Variants in VAV3 observed in about 807,000 individuals in gnomAD.
VAV3 encodes guanine nucleotide exchange factor VAV3.
Under a neutral mutation model 131.2 loss-of-function variants are expected in VAV3, and 94 were observed. The observed-to-expected ratio is 0.72, with a 90% CI of 0.61 to 0.85. The LOEUF is 0.85. Among genes scored for constraint, VAV3 ranks in the 40% least tolerant of loss-of-function variants. VAV3 has a pLI of 0.00. For missense variants in VAV3, 939 were observed against 1,002.7 expected (o/e 0.94, Z 0.86); for synonymous variants, 349 against 342.0 (o/e 1.02, Z -0.22).
intron 2 of VAV3, among the ~76,000 whole-genome samples, chr1:107,847,817 T>A (rs1336015749): frequency 1.3e-5 from 2 of 152,130 alleles, no homozygotes; most frequent in African/African-American, 2.4e-5. Context: ...CCAGAGAGAT[T>A]CACAGCTGAA....
At chr1:107,624,374 C>CTGTGTGTGTGTGTG (rs59476510) in intron 20 of VAV3, among the ~76,000 whole-genome samples, 6 of 143,324 alleles carry the variant, frequency 4.2e-5, no homozygotes, top group South Asian at 4.6e-4. Flanking sequence ...AGTCTTATGA[C>CTGTGTGTGTGTGTG]TGTGTGTGTG....
intron 2 of VAV3, among the ~76,000 whole-genome samples, chr1:107,831,650 T>C (rs1304159130): frequency 6.6e-6 from 1 of 152,226 alleles, no homozygotes; most frequent in Non-Finnish European, 1.5e-5. Flanking sequence ...TATCCTTCCT[T>C]GCACATTTAT....
At chr1:107,833,961 A>G (rs1668367464) in intron 2 of VAV3, among the ~76,000 whole-genome samples, 1 of 152,246 alleles carries the variant, frequency 6.6e-6, no homozygotes, top group Non-Finnish European at 1.5e-5. Context: ...CATTGCTCAC[A>G]TGAGACAGTA....
rs374979783 is a variant in VAV3 at position 107,889,628 on chromosome 1, CAAAT to C, written c.205-14615_205-14612del. 4.0e-5 allele frequency among the ~76,000 whole-genome samples: 6 copies of C among 150,626 alleles called. No homozygotes were observed. In the East Asian group the frequency reaches 9.8e-4, roughly 25 times the overall value. ...ATTTCAGTGTTAGATTTTACATAAACAAATAAAACCCTACACCACATCTGCCTTA... is the reference window on the plus strand; with the variant it reads ...ATTTCAGTGTTAGATTTTACATAAACAAAACCCTACACCACATCTGCCTTA... On this transcript the variant is annotated intron_variant, in intron 1 of 26. Coordinates refer to ENST00000370056, the MANE Select transcript of VAV3 (RefSeq NM_006113.5).
chr1:107,768,610 T>C, intron 6 of VAV3, 101 bp from the exon 7 acceptor site: 2 of 974,148 alleles, frequency 2.1e-6, no homozygotes, highest in Non-Finnish European at 3.1e-6. Context: ...GAAAGTCAAT[T>C]GTTGATCAGC....
intron 20 of VAV3, among the ~76,000 whole-genome samples, chr1:107,634,628 T>C (rs1393966689): frequency 2.0e-5 from 3 of 151,964 alleles, no homozygotes; most frequent in Non-Finnish European, 4.4e-5. Context: ...AAATGGGATC[T>C]AATTAAACTA....
chr1:107,769,770 C>A (rs1281542218), intron 6 of VAV3, among the ~76,000 whole-genome samples: 1 of 152,208 alleles, frequency 6.6e-6, no homozygotes, highest in African/African-American at 2.4e-5. Flanking sequence ...CATGCAGTTT[C>A]TCATGCCAAA....
In VAV3 at chr1:107,908,857, AC is replaced by A. The variant is rs1361902185; in HGVS notation, c.205-33841del. On this transcript the variant is annotated intron_variant, in intron 1 of 26. Coordinates refer to ENST00000370056, the MANE Select transcript of VAV3 (RefSeq NM_006113.5). Reference sequence around the variant, plus strand: ...CACACACACACACACACACACACACACACACACACACACACACAATATAAAA... The same window carrying A: ...CACACACACACACACACACACACACAACACACACACACACACAATATAAAA... Among the ~76,000 whole-genome samples, 4 of 146,664 alleles carry A rather than the reference AC, an allele frequency of 2.7e-5. No individual in the cohort carries two copies. The East Asian group carries it at 7.7e-4, about 28-fold the overall frequency.
intron 15 of VAV3, among the ~76,000 whole-genome samples, chr1:107,711,130 G>C (rs949595335): frequency 3.3e-5 from 5 of 152,134 alleles, no homozygotes; most frequent in African/African-American, 1.2e-4. Flanking sequence ...TTCATTTAGA[G>C]ATGACAATAT....
intron 24 of VAV3, among the ~76,000 whole-genome samples, chr1:107,600,015 T>C (rs185748184): frequency 6.6e-6 from 1 of 152,118 alleles, no homozygotes; most frequent in Admixed American, 6.5e-5. Context: ...TTCCAGAAGT[T>C]CAGGTTGCTA....
At position 107,704,645 on chromosome 1, in the gene VAV3, G is replaced by A; in HGVS notation, c.1610C>T (p.Thr537Ile). The A allele has an allele frequency of 5.0e-6, 8 of 1,612,468 alleles. No homozygotes were observed. The highest frequency in any genetic ancestry group is 6.8e-6 in the Non-Finnish European group (8 of 1,179,044). Reference protein sequence around the residue: ...CKVCQMLLRGTFYQGYLCFKC... With the variant: ...CKVCQMLLRGIFYQGYLCFKC... ...AAAACATAAATAGCCTTGATAAAAT[G>A]TTCCCCTGAAAGGTGAAATAAGAAA... The change falls in exon 17 of 27, where the codon ACA (threonine) becomes ATA (isoleucine). Residue 537 changes from threonine to isoleucine, a missense_variant. Transcript: ENST00000370056.
Position 107,668,606 on chromosome 1 carries a change from G to A in VAV3, c.1777+14882C>T. 4.1e-6 allele frequency: 4 copies of A among 981,422 alleles called. 1 individual carries two copies. The South Asian group carries it at 1.4e-4, about 35-fold the overall frequency. The allele number at this position is 981,422 out of a possible 1,614,324, so 60.8% of individuals were successfully genotyped here. On this transcript the variant is annotated intron_variant, in intron 19 of 26. Transcript: ENST00000370056. ...TTGCAGTCATGGAGTACAATGAAAT[G>A]TGTAGAATAAGAGATTAGCAAACCA...
chr1:107,955,437 T>C (rs1674759951), intron 1 of VAV3, among the ~76,000 whole-genome samples: 1 of 152,092 alleles, frequency 6.6e-6, no homozygotes. Flanking sequence ...CCTGTGTCCA[T>C]TTCTAGTGCC....
intron 2 of VAV3, among the ~76,000 whole-genome samples, chr1:107,824,807 G>A (rs1339963977): frequency 6.6e-6 from 1 of 151,672 alleles, no homozygotes; most frequent in Non-Finnish European, 1.5e-5. Flanking sequence ...TGATTTACTA[G>A]GCCCCATGCA....
chr1:107,669,742 C>T (rs1472321850), intron 19 of VAV3, among the ~76,000 whole-genome samples: 1 of 151,612 alleles, frequency 6.6e-6, no homozygotes, highest in African/African-American at 2.4e-5. Flanking sequence ...CTGTATTACT[C>T]ATGAATTTTA....
chr1:107,694,011 T>G (rs1278174516), intron 17 of VAV3, among the ~76,000 whole-genome samples: 1 of 152,144 alleles, frequency 6.6e-6, no homozygotes, highest in Non-Finnish European at 1.5e-5. Context: ...ATCAAACTGA[T>G]CTGGGTTCCC....
rs865878587 is a variant in VAV3 at position 107,658,993 on chromosome 1, C to T, written c.1778-16238G>A. On this transcript the variant is annotated intron_variant, in intron 19 of 26. Transcript: ENST00000370056. ...TCAATTTTGGCTTTTGTTGCCATTG[C>T]TTTTGGTGTTTTAGACATGAAGTCC... Among the ~76,000 whole-genome samples, 147 of 152,224 alleles carry T rather than the reference C, an allele frequency of 9.7e-4. 1 individual carries two copies. The highest frequency in any genetic ancestry group is 3.3e-3 in the African/African-American group (136 of 41,536).
chr1:107,625,901 A>C (rs577276634), intron 20 of VAV3, among the ~76,000 whole-genome samples: 26 of 152,336 alleles, frequency 1.7e-4, no homozygotes, highest in Non-Finnish European at 5.9e-5. Context: ...TGATTGACAC[A>C]AACTTTTAGT....
intron 1 of VAV3, among the ~76,000 whole-genome samples, chr1:107,946,053 G>C (rs1244984596): frequency 6.6e-6 from 1 of 152,028 alleles, no homozygotes; most frequent in Non-Finnish European, 1.5e-5. Flanking sequence ...TCCAAGCATG[G>C]GGAAGCATTC....
Sources: allele counts gnomAD v4.1 joint callset (sites outside exome capture counted in the v4.1 genomes callset), GRCh38; gene constraint gnomAD v4.1.1; transcripts MANE v1.5; gene names NCBI Gene and HGNC (gene_info 2026-07-23, HGNC 2026-07-21).